The following PLXNA4 variants were observed in gnomAD, a reference collection of about 807,000 sequenced individuals.
PLXNA4 encodes the protein plexin-A4.
A neutral mutation model predicts 191.8 loss-of-function variants in PLXNA4; 44 were observed. The observed-to-expected ratio is 0.23, with a 90% CI of 0.18 to 0.29. The LOEUF (loss-of-function observed/expected upper bound fraction) is 0.29, where lower values mean the gene tolerates loss of function less well. Among genes scored for constraint, PLXNA4 ranks in the 10% least tolerant of loss-of-function variants. PLXNA4 has a pLI of 1.00. For missense variants in PLXNA4, 1,800 were observed against 2,488.8 expected, an observed-to-expected ratio of 0.72 and a Z score of 5.89; for synonymous variants, 1,082 against 1,009.5, an observed-to-expected ratio of 1.07 and a Z score of -1.36.
chr7:132,243,440 A>G (rs1245010508), intron 4 of PLXNA4, among the ~76,000 whole-genome samples: 1 of 152,232 alleles, frequency 6.6e-6, no homozygotes, highest in Non-Finnish European at 1.5e-5. Flanking sequence ...AATGTTCCAC[A>G]TCAAGTCAAG....
At chr7:132,601,612 G>T (rs1802822100) in intron 2 of PLXNA4, among the ~76,000 whole-genome samples, 1 of 152,206 alleles carries the variant, frequency 6.6e-6, no homozygotes, top group South Asian at 2.1e-4. Context: ...CATGACAGAA[G>T]AACAAGATAA....
At chr7:132,446,106 G>C (rs531878744) in intron 3 of PLXNA4, among the ~76,000 whole-genome samples, 1 of 152,268 alleles carries the variant, frequency 6.6e-6, no homozygotes, top group African/African-American at 2.4e-5. Context: ...TTGAGCACAA[G>C]AGGTAGACTG....
intron 2 of PLXNA4, among the ~76,000 whole-genome samples, chr7:132,621,087 A>G (rs1803251835): frequency 6.6e-6 from 1 of 152,126 alleles, no homozygotes; most frequent in African/African-American, 2.4e-5. Flanking sequence ...AACAAATACC[A>G]TCACACTAGG....
rs150598657 is a variant in PLXNA4 at position 132,302,952 on chromosome 7, C to G, written c.1372-4730G>C. Among the ~76,000 whole-genome samples, 712 of 152,266 alleles carry G rather than the reference C, an allele frequency of 4.7e-3. 8 individuals are homozygous for G. Among genetic ancestry groups the G allele is most frequent in the African/African-American group, 0.016 (677 of 41,566 alleles). ...AGTGCAATGGCACGATCTCAGCTCA[C>G]TGTAACCTCTGCCTCCTGGGTTCAA... On this transcript the variant is annotated intron_variant, in intron 3 of 31. Transcript: ENST00000321063.
intron 4 of PLXNA4, among the ~76,000 whole-genome samples, chr7:132,272,900 A>G (rs1800130903): frequency 6.6e-6 from 1 of 152,060 alleles, no homozygotes; most frequent in Non-Finnish European, 1.5e-5. Context: ...CCTCTCCATA[A>G]TGTATTCACT....
chr7:132,370,385 T>G (rs759018374), intron 3 of PLXNA4, among the ~76,000 whole-genome samples: 1 of 152,186 alleles, frequency 6.6e-6, no homozygotes, highest in Non-Finnish European at 1.5e-5. Flanking sequence ...AGAGGCACCA[T>G]GGTTTCTTGA....
intron 4 of PLXNA4, among the ~76,000 whole-genome samples, chr7:132,251,756 A>G (rs1170142589): frequency 2.0e-5 from 3 of 152,254 alleles, no homozygotes; most frequent in Admixed American, 6.5e-5. Context: ...GCATTTGCAC[A>G]CACCTATGGG....
At chr7:132,562,957 CCCTCCTCCTCCTCT>C (rs1801335960) in intron 1 of PLXNA4, among the ~76,000 whole-genome samples, 1 of 20,094 alleles carries the variant, frequency 5.0e-5, no homozygotes. Context: ...CTCCTCCTCT[CCCTCCTCCTCCTCT>C]CCCTCCTCCT....
chr7:132,385,548 C>T (rs1443083211), intron 3 of PLXNA4, among the ~76,000 whole-genome samples: 2 of 152,190 alleles, frequency 1.3e-5, no homozygotes, highest in African/African-American at 2.4e-5. Context: ...ATGTTACACC[C>T]GGCCCCAGGC....
chr7:132,615,290 G>A (rs1803129647), intron 2 of PLXNA4, among the ~76,000 whole-genome samples: 1 of 152,110 alleles, frequency 6.6e-6, no homozygotes, highest in Non-Finnish European at 1.5e-5. Flanking sequence ...AGAGGGGAGT[G>A]GTGGCAGAGG....
chr7:132,393,809 C>T (rs1004616498), intron 3 of PLXNA4, among the ~76,000 whole-genome samples: 2 of 152,088 alleles, frequency 1.3e-5, no homozygotes, highest in African/African-American at 2.4e-5. Context: ...ACTAGCAGAG[C>T]GGGGCGGCAC....
chr7:132,199,626 T>C (rs1797367995), intron 12 of PLXNA4, among the ~76,000 whole-genome samples: 1 of 152,194 alleles, frequency 6.6e-6, no homozygotes, highest in African/African-American at 2.4e-5. Flanking sequence ...AGGATTAGAA[T>C]GGAAGGAGCC....
rs191425643 is a variant in PLXNA4 at position 132,470,877 on chromosome 7, A to G, written c.1371+18415T>C. ...GGGATGAGCTCCTGGAAAGGCATGA[A>G]GACCTGCCAGTGCCTGGATTAGCCC... On this transcript the variant is annotated intron_variant, in intron 3 of 31. Coordinates refer to ENST00000321063, the MANE Select transcript of PLXNA4 (RefSeq NM_020911.2). Among the ~76,000 whole-genome samples the G allele has an allele frequency of 1.9e-3, 296 of 152,336 alleles. 3 individuals are homozygous for G. The highest frequency in any genetic ancestry group is 6.5e-3 in the African/African-American group (272 of 41,576).
intron 4 of PLXNA4, among the ~76,000 whole-genome samples, chr7:132,265,153 A>G (rs1584920467): frequency 6.6e-6 from 1 of 152,334 alleles, no homozygotes; most frequent in East Asian, 1.9e-4. Context: ...TTGAGTCCCA[A>G]CCACACCATA....
chr7:132,168,814 C>T (rs1040851014), intron 21 of PLXNA4, among the ~76,000 whole-genome samples: 9 of 152,168 alleles, frequency 5.9e-5, no homozygotes, highest in African/African-American at 1.9e-4. Flanking sequence ...TAGTAAATGG[C>T]GGGGCTAGGA....
At chr7:132,516,676 T>G (rs1028915999) in intron 1 of PLXNA4, among the ~76,000 whole-genome samples, 4 of 152,148 alleles carry the variant, frequency 2.6e-5, no homozygotes, top group African/African-American at 9.7e-5. Context: ...ACAGTGTCCC[T>G]GCCAGGAGTG....
At chr7:132,168,148 G>A (rs918668571) in intron 22 of PLXNA4, among the ~76,000 whole-genome samples, 156 bp downstream of exon 22, 2 of 152,164 alleles carry the variant, frequency 1.3e-5, no homozygotes, top group Non-Finnish European at 2.9e-5. Context: ...TTCTTCTAAG[G>A]GGGCCTGCAA....
chr7:132,572,980 G>C (rs556697157), intron 1 of PLXNA4, among the ~76,000 whole-genome samples: 13 of 152,002 alleles, frequency 8.6e-5, no homozygotes, highest in African/African-American at 2.9e-4. Context: ...TCCAGCTGTC[G>C]TTAAATTCAT....
At chr7:132,149,016 C>CATA (rs1795516726) in intron 25 of PLXNA4, among the ~76,000 whole-genome samples, 1 of 152,166 alleles carries the variant, frequency 6.6e-6, no homozygotes, top group Admixed American at 6.5e-5. Flanking sequence ...TGCAAAGTGG[C>CATA]ATAGTTGTGG....
Sources: allele counts gnomAD v4.1 joint callset (sites outside exome capture counted in the v4.1 genomes callset), GRCh38; gene constraint gnomAD v4.1.1; transcripts MANE v1.5; gene names NCBI Gene and HGNC (gene_info 2026-07-23, HGNC 2026-07-21).